RTN4IP1: variants seen among roughly 807,000 people sequenced by gnomAD.
RTN4IP1 encodes the protein reticulon 4 interacting protein 1.
A neutral mutation model predicts 46.6 loss-of-function variants in RTN4IP1; 32 were observed. That is an observed-to-expected ratio of 0.69 (90% CI 0.52 to 0.92). The LOEUF (loss-of-function observed/expected upper bound fraction) is 0.92. RTN4IP1 is among the 40% of genes least tolerant of loss of function. The pLI, the probability that RTN4IP1 is intolerant of heterozygous loss-of-function variation, is 0.00. For missense variants in RTN4IP1, 424 were observed against 485.8 expected (o/e 0.87, Z 1.20); for synonymous variants, 167 against 161.8 (o/e 1.03, Z -0.24).
In RTN4IP1 at chr6:106,596,366, T is replaced by C. The variant is rs181356942; in HGVS notation, c.670-4066A>G. Among the ~76,000 whole-genome samples the C allele has an allele frequency of 1.5e-3, 224 of 152,284 alleles. 1 individual carries two copies. The highest frequency in any genetic ancestry group is 5.0e-3 in the African/African-American group (209 of 41,568). On this transcript the variant is annotated intron_variant, in intron 5 of 8. Coordinates refer to ENST00000369063, the MANE Select transcript of RTN4IP1 (RefSeq NM_032730.5). ...GGGAGGCTGAGGCAGGAAGGTTGCT[T>C]GAGGCCAGGAATTTGAGACCAGCCC...
At chr6:106,577,618 A>T (rs1000915797) in intron 8 of RTN4IP1, among the ~76,000 whole-genome samples, 2 of 152,096 alleles carry the variant, frequency 1.3e-5, no homozygotes, top group Non-Finnish European at 2.9e-5. Flanking sequence ...TCACATCCTG[A>T]TTCCCAAAAT....
chr6:106,629,629 C>T, upstream of RTN4IP1: 1 of 1,574,570 alleles, frequency 6.4e-7, no homozygotes, highest in African/African-American at 1.4e-5. Context: ...CGACCGGTGA[C>T]CTCTTTTTCC....
chr6:106,575,187 C>G (rs1775193900), intron 8 of RTN4IP1, among the ~76,000 whole-genome samples: 1 of 152,210 alleles, frequency 6.6e-6, no homozygotes, highest in African/African-American at 2.4e-5. Flanking sequence ...TGTGATGACG[C>G]TGCTATAGTC....
At chr6:106,608,489 T>A (rs1776141145) in intron 4 of RTN4IP1, among the ~76,000 whole-genome samples, 1 of 152,232 alleles carries the variant, frequency 6.6e-6, no homozygotes, top group South Asian at 2.1e-4. Context: ...AGAGGATTTT[T>A]AATGTTCCCA....
At chr6:106,590,510 T>A (rs1219461887) in intron 6 of RTN4IP1, among the ~76,000 whole-genome samples, 1 of 151,054 alleles carries the variant, frequency 6.6e-6, no homozygotes, top group Non-Finnish European at 1.5e-5. Flanking sequence ...GGGTCAGGAG[T>A]TCGAGACCAG....
At chr6:106,621,349 A>C in intron 3 of RTN4IP1, 76 bp downstream of exon 3, 1 of 1,128,876 alleles carries the variant, frequency 8.9e-7, no homozygotes, top group Middle Eastern at 2.0e-4. Context: ...TAGATCTGAA[A>C]AACACCAGTT....
chr6:106,588,948 T>C (rs1775552408), intron 6 of RTN4IP1, among the ~76,000 whole-genome samples: 1 of 151,130 alleles, frequency 6.6e-6, no homozygotes, highest in African/African-American at 2.4e-5. Context: ...CTGTCTCTAT[T>C]AAAACTGCAA....
rs73508227 is a variant in RTN4IP1 at position 106,606,263 on chromosome 6, A to G, written c.621-3341T>C. ...ACAGCAAAACCTATCTCTACTAAATACAAAAATTAGCTGGGCACAGTGGCA... is the reference window on the plus strand; with the variant it reads ...ACAGCAAAACCTATCTCTACTAAATGCAAAAATTAGCTGGGCACAGTGGCA... On this transcript the variant is annotated intron_variant, in intron 4 of 8. Coordinates refer to ENST00000369063, the MANE Select transcript of RTN4IP1 (RefSeq NM_032730.5). Among the ~76,000 whole-genome samples, 441 of 152,124 alleles carry G rather than the reference A, an allele frequency of 2.9e-3. 4 individuals carry two copies. The highest frequency in any genetic ancestry group is 0.01 in the African/African-American group (429 of 41,510).
intron 6 of RTN4IP1, among the ~76,000 whole-genome samples, chr6:106,590,991 T>G (rs1417670192): frequency 6.6e-6 from 1 of 152,136 alleles, no homozygotes; most frequent in Non-Finnish European, 1.5e-5. Flanking sequence ...TAAATATTAT[T>G]AAGCACCTAC....
At chr6:106,574,759 G>C (rs965336680) in intron 8 of RTN4IP1, among the ~76,000 whole-genome samples, 2 of 152,168 alleles carry the variant, frequency 1.3e-5, no homozygotes, top group African/African-American at 4.8e-5. Flanking sequence ...GACTGACAAA[G>C]TGCCTGCCTC....
rs754546900 is a variant in RTN4IP1, at chr6:106,571,972, A to T, written c.*24T>A. 5.7e-6 allele frequency: 9 copies of T among 1,574,280 alleles called. No individual in the cohort carries two copies. In the South Asian group the frequency reaches 1.0e-4, roughly 18 times the overall value. On this transcript the variant is annotated 3_prime_UTR_variant, in exon 9 of 9. Transcript: ENST00000369063. ...AGGCACTCACCAAATAAGAACGTCA[A>T]CAATCACTAAACTGCATTTTTATTT... is the stretch of plus-strand genomic sequence containing the variant.
At chr6:106,629,575 C>T, upstream of RTN4IP1, 2 of 1,383,490 alleles carry the variant, frequency 1.4e-6, no homozygotes, top group South Asian at 2.5e-5. Context: ...TGTTGAAGGG[C>T]TCAGTGACAA....
At chr6:106,615,459 T>C (rs1776326765) in intron 4 of RTN4IP1, among the ~76,000 whole-genome samples, 1 of 152,100 alleles carries the variant, frequency 6.6e-6, no homozygotes, top group African/African-American at 2.4e-5. Context: ...GTATACACAA[T>C]TTAAAAGTGA....
chr6:106,584,631 T>G (rs1775442532), intron 7 of RTN4IP1, among the ~76,000 whole-genome samples: 1 of 152,238 alleles, frequency 6.6e-6, no homozygotes, highest in African/African-American at 2.4e-5. Context: ...TACCACCACC[T>G]AGCTTGCAGG....
intron 1 of RTN4IP1, among the ~76,000 whole-genome samples, chr6:106,627,323 G>C (rs942886541): frequency 1.8e-4 from 27 of 152,128 alleles, no homozygotes; most frequent in Admixed American, 9.8e-4. Flanking sequence ...CATGAATTAC[G>C]CATGTGCATT....
chr6:106,589,426 A>G (rs1775593047), intron 6 of RTN4IP1, among the ~76,000 whole-genome samples: 1 of 151,760 alleles, frequency 6.6e-6, no homozygotes, highest in Non-Finnish European at 1.5e-5. Context: ...CTTTTCACTA[A>G]AAAAGTGTCT....
At chr6:106,619,716 A>G (rs1468818562) in intron 3 of RTN4IP1, among the ~76,000 whole-genome samples, 1 of 141,194 alleles carries the variant, frequency 7.1e-6, no homozygotes, top group Non-Finnish European at 1.5e-5. Flanking sequence ...GGTTCACACC[A>G]TTCTCCTGCC....
Position 106,572,109 on chromosome 6 carries a change from A to G in RTN4IP1, c.1084-6T>C, listed in dbSNP as rs1775081360. The G allele has an allele frequency of 6.2e-7, 1 of 1,607,620 alleles. No individual in the cohort carries two copies. The highest frequency in any genetic ancestry group is 8.5e-7 in the Non-Finnish European group (1 of 1,174,522). ...TGTTCAATAACTGGCCGGATCTGTAAAACATAAGAGGTTGACCGGTGGATA... is the reference window on the plus strand; with the variant it reads ...TGTTCAATAACTGGCCGGATCTGTAGAACATAAGAGGTTGACCGGTGGATA... On this transcript the variant is annotated splice_polypyrimidine_tract_variant and splice_region_variant and intron_variant, in intron 8 of 8. Transcript: ENST00000369063.
At chr6:106,582,449 G>A (rs1775392451) in intron 8 of RTN4IP1, among the ~76,000 whole-genome samples, 1 of 152,204 alleles carries the variant, frequency 6.6e-6, no homozygotes, top group Non-Finnish European at 1.5e-5. Flanking sequence ...AAGGTGGAGA[G>A]GGAAAAGCAC....
Sources: gnomAD v4.1 joint callset for allele counts (sites outside exome capture counted in the v4.1 genomes callset) on GRCh38, gnomAD v4.1.1 for gene constraint, MANE v1.5 for transcripts, NCBI Gene and HGNC (gene_info 2026-07-23, HGNC 2026-07-21) for gene names.